The following IL1RAPL1 variants were observed in gnomAD, a reference collection of about 807,000 sequenced individuals.
The protein encoded by IL1RAPL1 is interleukin-1 receptor accessory protein-like 1.
Under a neutral mutation model 48.4 loss-of-function variants are expected in IL1RAPL1, and 3 were observed. The ratio of observed to expected loss-of-function variants is 0.06; its 90% CI spans 0.03 to 0.16. The LOEUF is 0.16. IL1RAPL1 is among the 10% of genes least tolerant of loss of function. The pLI, the probability that IL1RAPL1 is intolerant of heterozygous loss-of-function variation, is 1.00. For synonymous variants in IL1RAPL1, 185 were observed against 187.7 expected (o/e 0.99, Z 0.12); for missense variants, 349 against 530.6 (o/e 0.66, Z 3.36).
chrX:29,838,901 T>C lies in IL1RAPL1; in HGVS notation c.779-78563T>C, dbSNP rs1327014100. ...TATACACCTGCAGGTGACTGCCAGA[T>C]TGGGTAGGTAGGCTGATCTATGGAG... On this transcript the variant is annotated intron_variant, in intron 6 of 10. Transcript: ENST00000378993. Among the ~76,000 whole-genome samples, 5 of 111,964 alleles carry C rather than the reference T, an allele frequency of 4.5e-5. No individual in the cohort carries two copies. In the East Asian group the frequency reaches 1.1e-3, roughly 25 times the overall value.
intron 5 of IL1RAPL1, among the ~76,000 whole-genome samples, chrX:29,408,209 G>A (rs945245415): frequency 9.0e-6 from 1 of 110,990 alleles, no homozygotes; most frequent in African/African-American, 3.3e-5. Context: ...TATTAGTAAT[G>A]ATACATATTT....
chrX:29,823,658 T>C (rs1289672003), intron 6 of IL1RAPL1, among the ~76,000 whole-genome samples: 1 of 112,391 alleles, frequency 8.9e-6, no homozygotes, highest in Non-Finnish European at 1.9e-5. Flanking sequence ...TTCTTAGAAG[T>C]ACATTTTAGC....
At chrX:29,299,321 CT>C (rs1932498187) in intron 3 of IL1RAPL1, among the ~76,000 whole-genome samples, 1 of 111,444 alleles carries the variant, frequency 9.0e-6, no homozygotes, top group South Asian at 3.8e-4. Flanking sequence ...CATTTGTTTT[CT>C]TTCATATTTG....
At chrX:29,309,866 T>C (rs1186168534) in intron 3 of IL1RAPL1, among the ~76,000 whole-genome samples, 3 of 104,350 alleles carry the variant, frequency 2.9e-5, no homozygotes, top group Non-Finnish European at 5.8e-5. Context: ...GTGGCCGAGG[T>C]GGGTGGATCA....
In IL1RAPL1 at chrX:28,856,892, A is replaced by G. The variant is rs1205067363; in HGVS notation, c.82+67467A>G. Among the ~76,000 whole-genome samples, 2 of 112,180 alleles carry G rather than the reference A, an allele frequency of 1.8e-5. 1 individual carries two copies. Among genetic ancestry groups the G allele is most frequent in the Non-Finnish European group, 3.8e-5 (2 of 53,229 alleles). ...CTCTCACTTTAAATCAAAAGCTAGA[A>G]ATGATTAAGTTTAGTGAAGAAAGCA... On this transcript the variant is annotated intron_variant, in intron 2 of 10. Coordinates refer to ENST00000378993, the MANE Select transcript of IL1RAPL1 (RefSeq NM_014271.4).
rs1031482025 is a variant in IL1RAPL1 at position 29,036,059 on chromosome X, G to A, written c.82+246634G>A. 1.8e-4 allele frequency among the ~76,000 whole-genome samples: 20 copies of A among 111,708 alleles called. No homozygotes were observed. In the Admixed American group the frequency reaches 1.9e-3, roughly 11 times the overall value. On this transcript the variant is annotated intron_variant, in intron 2 of 10. Transcript: ENST00000378993. Reference sequence around the variant, plus strand: ...ATAGGGCATTGATGCTGCCAAGTTCGCATTAACTCTCTTATTAGCTTCGAG... The same window carrying A: ...ATAGGGCATTGATGCTGCCAAGTTCACATTAACTCTCTTATTAGCTTCGAG...
In IL1RAPL1 at chrX:28,855,335, AT is replaced by A. The variant is rs1921777533; in HGVS notation, c.82+65912del. Among the ~76,000 whole-genome samples, 3 of 110,938 alleles carry A rather than the reference AT, an allele frequency of 2.7e-5. No individual in the cohort carries two copies. The South Asian group carries it at 1.1e-3, about 42-fold the overall frequency. On this transcript the variant is annotated intron_variant, in intron 2 of 10. Transcript: ENST00000378993. ...TGCCCAGCCCAGTGTATCATTTTTA[AT>A]TACTTCCGTCCTGTCTGCAACATTA...
At chrX:29,764,546 A>G (rs773452469) in intron 6 of IL1RAPL1, among the ~76,000 whole-genome samples, 36 of 111,911 alleles carry the variant, frequency 3.2e-4, no homozygotes, top group Non-Finnish European at 5.6e-4. Flanking sequence ...AGGATCAGTC[A>G]ATAGGGGAAC....
chrX:29,751,898 C>T (rs748170312), intron 6 of IL1RAPL1, among the ~76,000 whole-genome samples: 89 of 107,375 alleles, frequency 8.3e-4, no homozygotes, highest in African/African-American at 2.9e-3. Context: ...CACAGCTGTG[C>T]TCCAGCCTGG....
intron 3 of IL1RAPL1, among the ~76,000 whole-genome samples, chrX:29,366,650 G>C (rs1010200814): frequency 1.1e-5 from 1 of 89,581 alleles, no homozygotes; most frequent in Non-Finnish European, 2.1e-5. Flanking sequence ...CTCACTGCAA[G>C]CTCTGCCTCC....
At chrX:29,078,546 C>G (rs1187291322) in intron 2 of IL1RAPL1, among the ~76,000 whole-genome samples, 1 of 111,912 alleles carries the variant, frequency 8.9e-6, no homozygotes, top group Non-Finnish European at 1.9e-5. Flanking sequence ...AATCAGTGCT[C>G]CGTAAATTAG....
At chrX:28,634,603 G>A (rs1934443656) in intron 1 of IL1RAPL1, among the ~76,000 whole-genome samples, 1 of 109,741 alleles carries the variant, frequency 9.1e-6, no homozygotes, top group East Asian at 2.9e-4. Context: ...TGCTTAATAA[G>A]TAATTTTGAA....
At chrX:29,442,211 T>C (rs1032442508) in intron 5 of IL1RAPL1, among the ~76,000 whole-genome samples, 24 of 111,622 alleles carry the variant, frequency 2.2e-4, no homozygotes, top group African/African-American at 7.8e-4. Context: ...CAAAAATAGG[T>C]ACATAGACCA....
chrX:29,200,939 A>G (rs1930542674), intron 2 of IL1RAPL1, among the ~76,000 whole-genome samples: 1 of 111,185 alleles, frequency 9.0e-6, no homozygotes, highest in South Asian at 3.8e-4. Context: ...TATTAAGCCC[A>G]GTACCCAGTA....
At chrX:29,095,424 G>T (rs12390486) in intron 2 of IL1RAPL1, among the ~76,000 whole-genome samples, 25,742 of 110,335 alleles carry the variant, frequency 0.23, 2,865 homozygotes, top group African/African-American at 0.43. Context: ...ATTTAGGATT[G>T]TTGAAACTGC....
At chrX:28,782,929 T>C (rs1936438509) in intron 1 of IL1RAPL1, among the ~76,000 whole-genome samples, 1 of 112,043 alleles carries the variant, frequency 8.9e-6, no homozygotes, top group Non-Finnish European at 1.9e-5. Flanking sequence ...ATTGCTCTTT[T>C]TTTTCTTAAT....
At chrX:29,430,615 G>A (rs12843720) in intron 5 of IL1RAPL1, among the ~76,000 whole-genome samples, 1 of 106,479 alleles carries the variant, frequency 9.4e-6, no homozygotes, top group Non-Finnish European at 1.9e-5. Flanking sequence ...GTGTGTGTGT[G>A]TATGTGTATG....
At chrX:29,349,651 A>T (rs1039849470) in intron 3 of IL1RAPL1, among the ~76,000 whole-genome samples, 5 of 111,302 alleles carry the variant, frequency 4.5e-5, no homozygotes, top group African/African-American at 1.6e-4. Context: ...TTTCTTCTTT[A>T]TTCTGAGTTG....
chrX:28,836,720 C>T (rs1921228432), intron 2 of IL1RAPL1, among the ~76,000 whole-genome samples: 1 of 109,822 alleles, frequency 9.1e-6, no homozygotes, highest in Non-Finnish European at 1.9e-5. Flanking sequence ...GATTTAAATC[C>T]TTAAAAACTT....
Sources: allele counts gnomAD v4.1 joint callset (sites outside exome capture counted in the v4.1 genomes callset), GRCh38; gene constraint gnomAD v4.1.1; transcripts MANE v1.5; gene names NCBI Gene and HGNC (gene_info 2026-07-23, HGNC 2026-07-21).